The following TTC28 variants were observed in gnomAD, a reference collection of about 807,000 sequenced individuals.
TTC28 encodes tetratricopeptide repeat domain 28.
TTC28 carries 61 observed loss-of-function variants against 198.0 expected under a neutral mutation model. The ratio of observed to expected loss-of-function variants is 0.31; its 90% CI spans 0.25 to 0.38. The LOEUF is 0.38. Among genes scored for constraint, TTC28 ranks in the 10% least tolerant of loss-of-function variants. The pLI is 1.00. For synonymous variants in TTC28, 1,171 were observed against 1,297.8 expected (o/e 0.90, Z 2.10); for missense variants, 2,678 against 3,164.0 (o/e 0.85, Z 3.69).
rs116931051 is a variant in TTC28 at position 28,434,703 on chromosome 22, T to C, written c.382-128060A>G. ...CTTCATAAACACAGCTCCCAAAATATCTAATACTCCTGGATTTCATCCTTC... is the reference window on the plus strand; with the variant it reads ...CTTCATAAACACAGCTCCCAAAATACCTAATACTCCTGGATTTCATCCTTC... On this transcript the variant is annotated intron_variant, in intron 2 of 22. Coordinates refer to ENST00000397906, the MANE Select transcript of TTC28 (RefSeq NM_001145418.2). 7.3e-3 allele frequency among the ~76,000 whole-genome samples: 1,107 copies of C among 152,214 alleles called. 9 individuals carry two copies. Among genetic ancestry groups the C allele is most frequent in the Non-Finnish European group, 0.011 (763 of 68,012 alleles).
rs562933039 is a variant in TTC28 at position 28,348,558 on chromosome 22, C to T, written c.382-41915G>A. 6.6e-5 allele frequency among the ~76,000 whole-genome samples: 10 copies of T among 152,312 alleles called. No homozygotes were observed. The East Asian group carries it at 1.2e-3, about 18-fold the overall frequency. ...TAGAGGAGGTGAGGCTTCTCTGCAG[C>T]TCAGTTGAGCCAGACCTACTTCTCC... On this transcript the variant is annotated intron_variant, in intron 2 of 22. Transcript: ENST00000397906.
chr22:28,209,823 C>CA (rs1478239784), intron 5 of TTC28, among the ~76,000 whole-genome samples: 2 of 152,166 alleles, frequency 1.3e-5, no homozygotes, highest in Non-Finnish European at 2.9e-5. Context: ...GATCTGAAAA[C>CA]ACACAGACTG....
chr22:28,137,324 C>T (rs1943222180), intron 6 of TTC28, among the ~76,000 whole-genome samples: 1 of 152,152 alleles, frequency 6.6e-6, no homozygotes, highest in Admixed American at 6.5e-5. Flanking sequence ...TACTGATTCA[C>T]AGGAAATTCA....
intron 2 of TTC28, among the ~76,000 whole-genome samples, chr22:28,490,674 C>A (rs1222833792): frequency 6.6e-6 from 1 of 152,174 alleles, no homozygotes; most frequent in Non-Finnish European, 1.5e-5. Flanking sequence ...CACTGCTAGA[C>A]TTTAATAGAG....
chr22:28,076,863 T>A (rs1006667643), intron 12 of TTC28, among the ~76,000 whole-genome samples: 1 of 152,140 alleles, frequency 6.6e-6, no homozygotes, highest in Non-Finnish European at 1.5e-5. Flanking sequence ...TCCCAGTGAG[T>A]CCATCCCCAG....
chr22:28,012,622 C>T (rs1938205762), intron 14 of TTC28, among the ~76,000 whole-genome samples: 1 of 152,176 alleles, frequency 6.6e-6, no homozygotes, highest in Admixed American at 6.5e-5. Flanking sequence ...AGCGATCCTC[C>T]TACCTCAGCC....
At chr22:28,152,590 C>A (rs975904010) in intron 6 of TTC28, among the ~76,000 whole-genome samples, 3 of 152,096 alleles carry the variant, frequency 2.0e-5, no homozygotes, top group Non-Finnish European at 4.4e-5. Context: ...AGGGCTACTG[C>A]GAGAACAAAT....
intron 1 of TTC28, among the ~76,000 whole-genome samples, chr22:28,640,127 C>T (rs1279787645): frequency 6.6e-6 from 1 of 151,784 alleles, no homozygotes; most frequent in South Asian, 2.1e-4. Context: ...GGGAACATGG[C>T]AAAACCCCAC....
chr22:28,280,902 G>A (rs186556160), intron 5 of TTC28, among the ~76,000 whole-genome samples: 8 of 151,650 alleles, frequency 5.3e-5, no homozygotes, highest in East Asian at 3.9e-4. Context: ...CTTTCAGCAC[G>A]CTGAAGATTT....
At chr22:28,180,575 A>ATTTTTTTT (rs199714900) in intron 5 of TTC28, among the ~76,000 whole-genome samples, 2,125 of 152,298 alleles carry the variant, frequency 0.014, 66 homozygotes, top group African/African-American at 0.049. Flanking sequence ...ATATGTACAT[A>ATTTTTTTT]GTCTGCCCTA....
intron 2 of TTC28, among the ~76,000 whole-genome samples, chr22:28,587,967 C>A (rs996471970): frequency 3.3e-5 from 5 of 151,524 alleles, no homozygotes; most frequent in Non-Finnish European, 5.9e-5. Flanking sequence ...TGGTGAAACC[C>A]CGTCTCTAAT....
intron 2 of TTC28, among the ~76,000 whole-genome samples, chr22:28,392,937 A>G (rs1292290896): frequency 8.1e-6 from 1 of 123,768 alleles, no homozygotes; most frequent in African/African-American, 3.1e-5. Flanking sequence ...GTGTAGTGGT[A>G]TGATAAATGG....
At chr22:28,375,966 A>G (rs2046403913) in intron 2 of TTC28, among the ~76,000 whole-genome samples, 2 of 152,174 alleles carry the variant, frequency 1.3e-5, no homozygotes, top group South Asian at 2.1e-4. Context: ...TGGACTGAGT[A>G]TTATTACACC....
At chr22:28,651,138 C>G (rs1239185209) in intron 1 of TTC28, among the ~76,000 whole-genome samples, 3 of 152,132 alleles carry the variant, frequency 2.0e-5, no homozygotes, top group Non-Finnish European at 4.4e-5. Context: ...TCAACAGTTG[C>G]CAATATGTAC....
At chr22:28,188,263 G>C (rs1359410497) in intron 5 of TTC28, among the ~76,000 whole-genome samples, 1 of 152,154 alleles carries the variant, frequency 6.6e-6, no homozygotes, top group East Asian at 1.9e-4. Flanking sequence ...GATGACAGTA[G>C]ATGAAAGATA....
chr22:28,519,338 A>G (rs543771416), intron 2 of TTC28, among the ~76,000 whole-genome samples: 117 of 152,338 alleles, frequency 7.7e-4, no homozygotes, highest in Middle Eastern at 3.4e-3. Flanking sequence ...ATGAAGAAAA[A>G]CAAACAAGAC....
intron 12 of TTC28, among the ~76,000 whole-genome samples, chr22:28,086,008 T>C (rs1489110604): frequency 2.0e-5 from 3 of 152,118 alleles, no homozygotes; most frequent in Non-Finnish European, 4.4e-5. Flanking sequence ...CCCAGATTCA[T>C]AAAGCAAGTC....
chr22:28,418,998 T>G (rs1454198092), intron 2 of TTC28, among the ~76,000 whole-genome samples: 1 of 152,090 alleles, frequency 6.6e-6, no homozygotes. Flanking sequence ...TGAGACAGAC[T>G]CTGTAGGAGC....
intron 12 of TTC28, among the ~76,000 whole-genome samples, chr22:28,045,124 G>A (rs1939811593): frequency 6.6e-6 from 1 of 152,090 alleles, no homozygotes; most frequent in South Asian, 2.1e-4. Flanking sequence ...CCACCAATTA[G>A]GTTTAATCAC....
Sources: allele counts gnomAD v4.1 joint callset (sites outside exome capture counted in the v4.1 genomes callset), GRCh38; gene constraint gnomAD v4.1.1; transcripts MANE v1.5; gene names NCBI Gene and HGNC (gene_info 2026-07-23, HGNC 2026-07-21).